Variants in ERICH3 observed in about 807,000 individuals in gnomAD.
The protein encoded by ERICH3 is glutamate-rich protein 3.
Under a neutral mutation model 131.1 loss-of-function variants are expected in ERICH3, and 126 were observed. That is an observed-to-expected ratio of 0.96 (90% CI 0.83 to 1.11). The LOEUF is 1.11. Ranked by LOEUF, ERICH3 falls within the 50% of genes most tolerant of loss-of-function variation. The pLI is 0.00. For missense variants in ERICH3, 2,050 were observed against 1,810.7 expected, an observed-to-expected ratio of 1.13 and a Z score of -2.40; for synonymous variants, 695 against 644.6, an observed-to-expected ratio of 1.08 and a Z score of -1.18.
chr1:74,656,424 C>G (rs573658711), intron 1 of ERICH3, among the ~76,000 whole-genome samples: 4 of 152,158 alleles, frequency 2.6e-5, no homozygotes, highest in Admixed American at 1.3e-4. Flanking sequence ...TGAAACAACT[C>G]CATCACAAAA....
chr1:74,637,920 A>G (rs1300280546), intron 5 of ERICH3, among the ~76,000 whole-genome samples: 1 of 152,126 alleles, frequency 6.6e-6, no homozygotes, highest in Non-Finnish European at 1.5e-5. Context: ...CAGAAAAAAA[A>G]AAAAGATTAG....
At chr1:74,626,367 T>C (rs1158067954) in intron 7 of ERICH3, among the ~76,000 whole-genome samples, 2 of 152,178 alleles carry the variant, frequency 1.3e-5, no homozygotes, top group African/African-American at 4.8e-5. Flanking sequence ...GACCTATCAA[T>C]TGGGCATCTG....
chr1:74,585,725 A>G (rs1647295098), intron 12 of ERICH3, among the ~76,000 whole-genome samples: 1 of 151,682 alleles, frequency 6.6e-6, no homozygotes, highest in African/African-American at 2.4e-5. Flanking sequence ...ATTTCTACCT[A>G]CAGTTCCAGT....
intron 1 of ERICH3, among the ~76,000 whole-genome samples, chr1:74,662,030 C>G (rs573691917): frequency 1.3e-5 from 2 of 152,236 alleles, no homozygotes; most frequent in African/African-American, 4.8e-5. Flanking sequence ...TTGAAGTGTT[C>G]CCATTTTTTG....
At chr1:74,646,177 A>G (rs1161759041) in intron 3 of ERICH3, among the ~76,000 whole-genome samples, 2 of 152,094 alleles carry the variant, frequency 1.3e-5, no homozygotes, top group Non-Finnish European at 2.9e-5. Flanking sequence ...TAAAATGCCT[A>G]TTCCTTGAAA....
chr1:74,635,479 AAAT>A (rs1320638053), intron 6 of ERICH3, among the ~76,000 whole-genome samples: 5 of 152,190 alleles, frequency 3.3e-5, no homozygotes, highest in African/African-American at 1.2e-4. Context: ...TGTCAATTAA[AAAT>A]AAAAATATCT....
At chr1:74,649,187 A>T in intron 2 of ERICH3, 35 bp downstream of exon 2, 1 of 1,451,356 alleles carries the variant, frequency 6.9e-7, no homozygotes, top group Non-Finnish European at 9.5e-7. Context: ...ACTTAATGAA[A>T]CAAGAAGGTC....
intron 12 of ERICH3, chr1:74,577,180 G>A (rs1647076076): frequency 5.3e-6 from 2 of 380,806 alleles, no homozygotes; most frequent in African/African-American, 2.1e-5. Context: ...TATACCTGAT[G>A]TTAGCTGTGA....
chr1:74,593,174 T>C (rs1280628553), intron 11 of ERICH3, among the ~76,000 whole-genome samples: 1 of 152,168 alleles, frequency 6.6e-6, no homozygotes, highest in Non-Finnish European at 1.5e-5. Flanking sequence ...TTTGGTGCCA[T>C]TGTTCCATGT....
intron 2 of ERICH3, 87 bp downstream of exon 2, chr1:74,649,135 T>C (rs1303671028): frequency 2.1e-5 from 18 of 844,780 alleles, no homozygotes; most frequent in Non-Finnish European, 3.1e-5. Flanking sequence ...AAGTGGAAGA[T>C]GTCACTCAAA....
chr1:74,654,151 G>A (rs1394064485), intron 1 of ERICH3, among the ~76,000 whole-genome samples: 2 of 152,010 alleles, frequency 1.3e-5, no homozygotes, highest in Non-Finnish European at 2.9e-5. Context: ...CTAAGAAGAT[G>A]GAGGTTTTCT....
chr1:74,644,859 C>T (rs1053422769), intron 3 of ERICH3, among the ~76,000 whole-genome samples: 4 of 151,994 alleles, frequency 2.6e-5, no homozygotes, highest in African/African-American at 9.7e-5. Context: ...AACATTTCAT[C>T]GCCTCATCAC....
intron 4 of ERICH3, 33 bp downstream of exon 4, chr1:74,642,994 T>C (rs1422392259): frequency 1.4e-6 from 2 of 1,436,772 alleles, no homozygotes; most frequent in East Asian, 4.6e-5. Context: ...AAAATAATAC[T>C]ATGAAGTAAA....
chr1:74,628,706 C>A (rs1649495449), intron 7 of ERICH3, among the ~76,000 whole-genome samples: 1 of 151,894 alleles, frequency 6.6e-6, no homozygotes, highest in African/African-American at 2.4e-5. Context: ...CACACACACA[C>A]ACACACAGAC....
chr1:74,587,392 T>G (rs1050802664), intron 12 of ERICH3, among the ~76,000 whole-genome samples: 32 of 151,706 alleles, frequency 2.1e-4, no homozygotes, highest in Admixed American at 5.3e-4. Flanking sequence ...CATCTTGTGT[T>G]GAATCCACCT....
chr1:74,572,745 T>C lies in ERICH3; in HGVS notation c.2965A>G (p.Arg989Gly). The C allele has an allele frequency of 6.2e-7, 1 of 1,613,924 alleles. No individual in the cohort carries two copies. The highest frequency in any genetic ancestry group is 1.1e-5 in the South Asian group (1 of 91,074). ...EPAKERKEVM[R>G]TETRLSPFTG... Reference sequence around the variant, plus strand: ...AAGGGGCTCAAGCGTGTTTCTGTTCTCATAACCTCTTTTCTCTCTTTGGCT... The same window carrying C: ...AAGGGGCTCAAGCGTGTTTCTGTTCCCATAACCTCTTTTCTCTCTTTGGCT... The change falls in exon 14 of 15, where the codon AGA becomes GGA. Residue 989 changes from arginine to glycine, a missense_variant. By Grantham distance (125) the Arg-to-Gly change is moderately radical. Coordinates refer to ENST00000326665, the MANE Select transcript of ERICH3 (RefSeq NM_001002912.5).
intron 7 of ERICH3, among the ~76,000 whole-genome samples, chr1:74,629,847 C>T (rs1220076347): frequency 6.6e-6 from 1 of 151,980 alleles, no homozygotes; most frequent in Non-Finnish European, 1.5e-5. Flanking sequence ...TGCATATAAG[C>T]GATAGAACTC....
At chr1:74,652,040 G>T (rs1268991318) in intron 1 of ERICH3, among the ~76,000 whole-genome samples, 1 of 152,092 alleles carries the variant, frequency 6.6e-6, no homozygotes, top group Admixed American at 6.6e-5. Context: ...ATAAATGTGG[G>T]TTCTTGCTTG....
Position 74,612,665 on chromosome 1 carries a change from T to C in ERICH3, c.1145A>G (p.Tyr382Cys), listed in dbSNP as rs1202677624. ...TCTCTCAACACACACAAACCCAAAG[T>C]AGCCTCGTTTGCCTCCAAGCCTGGA... ...KGSRLGGKRG[Y>C]FGFVCVERSS... The change falls in exon 9 of 15, where the codon TAC (tyrosine) becomes TGC (cysteine). Residue 382 changes from tyrosine to cysteine, a missense_variant. Transcript: ENST00000326665. 4.4e-6 allele frequency: 7 copies of C among 1,591,534 alleles called. No homozygotes were observed. The highest frequency in any genetic ancestry group is 1.7e-4 in the Middle Eastern group (1 of 5,994).
Sources: allele counts gnomAD v4.1 joint callset (sites outside exome capture counted in the v4.1 genomes callset), GRCh38; gene constraint gnomAD v4.1.1; transcripts MANE v1.5; gene names NCBI Gene and HGNC (gene_info 2026-07-23, HGNC 2026-07-21).